The following GPR4 variants were observed in gnomAD, a reference collection of about 807,000 sequenced individuals.
GPR4 encodes the protein G-prodeshotein coupled receptor 4.
In GPR4, 11 loss-of-function variants were observed where a neutral mutation model predicts 17.8. The ratio of observed to expected loss-of-function variants is 0.62; its 90% CI spans 0.39 to 1.02. The LOEUF (loss-of-function observed/expected upper bound fraction) is 1.02. Among genes scored for constraint, GPR4 ranks in the 50% least tolerant of loss-of-function variants. The pLI is 0.00. For missense variants in GPR4, 364 were observed against 495.4 expected, an observed-to-expected ratio of 0.73 and a Z score of 2.52; for synonymous variants, 219 against 222.8, an observed-to-expected ratio of 0.98 and a Z score of 0.15.
chr19:45,590,839 G>A lies in GPR4; in HGVS notation c.1028C>T (p.Ala343Val), dbSNP rs1352660136. 15 of 1,610,676 alleles carry A rather than the reference G, an allele frequency of 9.3e-6. No individual in the cohort carries two copies. Among genetic ancestry groups the A allele is most frequent in the Middle Eastern group, 3.3e-4 (2 of 6,070 alleles). Residue 343 changes from alanine (A) to valine (V), a missense_variant, in exon 2 of 2, where the codon GCG (alanine) becomes GTG (valine). Ala to Val is a moderately conservative substitution (Grantham distance 64). This residue lies in a region of GPR4 where 92 missense variants were observed against 106.0 expected (regional missense o/e 0.87). Transcript: ENST00000323040. Reference protein sequence around the residue: ...STAKAMTGSWAATPPSQGDQV... With the variant: ...STAKAMTGSWVATPPSQGDQV... ...GTCCCCCTGGGAGGGCGGAGTGGCC[G>A]CCCAGCTGCCAGTCATGGCTTTGGC...
At chr19:45,595,724 G>T (rs138182002) in intron 1 of GPR4, among the ~76,000 whole-genome samples, 2 of 139,306 alleles carry the variant, frequency 1.4e-5, no homozygotes, top group South Asian at 4.7e-4. Flanking sequence ...TCTTTTGGAC[G>T]TGAAACCTGG....
At chr19:45,594,037 T>C (rs1380499052) in intron 1 of GPR4, among the ~76,000 whole-genome samples, 10 of 79,132 alleles carry the variant, frequency 1.3e-4, no homozygotes, top group Non-Finnish European at 2.1e-4. Flanking sequence ...TGCACCACCA[T>C]GCCTGGCTTA....
At chr19:45,593,165 T>A (rs1250763766) in intron 1 of GPR4, among the ~76,000 whole-genome samples, 1 of 131,702 alleles carries the variant, frequency 7.6e-6, no homozygotes, top group East Asian at 2.3e-4. Flanking sequence ...ACCACGGCAC[T>A]CCAGCTTGGG....
Position 45,590,551 on chromosome 19 carries a change from A to G in GPR4, c.*227T>C, listed in dbSNP as rs1257099873. Reference sequence around the variant, plus strand: ...TGAGACCCTGTCTCCAAAAAAATATATTTACTCATCTCCTCCTTCAGGAGG... The same window carrying G: ...TGAGACCCTGTCTCCAAAAAAATATGTTTACTCATCTCCTCCTTCAGGAGG... On this transcript the variant is annotated 3_prime_UTR_variant, in exon 2 of 2. Coordinates refer to ENST00000323040, the MANE Select transcript of GPR4 (RefSeq NM_005282.3). 8.1e-6 allele frequency: 4 copies of G among 494,234 alleles called. No homozygotes were observed. Among genetic ancestry groups the G allele is most frequent in the African/African-American group, 7.9e-5 (4 of 50,930 alleles). The allele number at this position is 494,234 out of a possible 1,614,324, so 30.6% of individuals were successfully genotyped here. A position where few individuals can be genotyped will look rare whatever the true frequency, so the allele number is the denominator to read the frequency against.
chr19:45,591,808 G>GATGACAAA lies in GPR4; in HGVS notation c.58_59insTTTGTCAT (p.Pro20LeufsTer40). On this transcript the variant is annotated frameshift_variant, in exon 2 of 2. Transcript: ENST00000323040. LOFTEE classifies it high-confidence loss of function. The surrounding 1 kb of genome is among the most constrained non-coding windows in gnomAD (Gnocchi z 7.6). ...GATGACAAAGATGTAGAGGGATGGC[G>GATGACAAA]GAAAGAGGTGGTCCACGCGCGAGTC... The GATGACAAA allele has an allele frequency of 6.2e-7, 1 of 1,605,764 alleles. No individual in the cohort carries two copies. Among genetic ancestry groups the GATGACAAA allele is most frequent in the Non-Finnish European group, 8.5e-7 (1 of 1,174,612 alleles).
intron 1 of GPR4, among the ~76,000 whole-genome samples, chr19:45,600,399 C>A (rs1392376199): frequency 2.0e-5 from 3 of 152,118 alleles, no homozygotes; most frequent in Non-Finnish European, 4.4e-5. Context: ...CCCTCTCTTC[C>A]CGAAACTCCA....
chr19:45,600,933 C>G (rs1482458909), intron 1 of GPR4, among the ~76,000 whole-genome samples: 1 of 152,212 alleles, frequency 6.6e-6, no homozygotes, highest in African/African-American at 2.4e-5. Context: ...ATTCAAGGTA[C>G]TTGATCATAG....
rs528955502 is a variant in GPR4 at position 45,590,866 on chromosome 19, G to T, written c.1001C>A (p.Thr334Lys). Residue 334 changes from threonine (T) to lysine (K), a missense_variant, in exon 2 of 2, where the codon ACA (threonine) becomes AAA (lysine). Coordinates refer to ENST00000323040, the MANE Select transcript of GPR4 (RefSeq NM_005282.3). ...CCAGCTGCCAGTCATGGCTTTGGCT[G>T]TGCTGTTCCTCTTGGAGGTGAGTGG... ...ETPLTSKRNS[T>K]AKAMTGSWAA... is the part of the protein sequence containing the mutation. 15 of 1,613,940 alleles carry T rather than the reference G, an allele frequency of 9.3e-6. No homozygotes were observed. Among genetic ancestry groups the T allele is most frequent in the African/African-American group, 1.3e-5 (1 of 74,932 alleles).
In GPR4 at chr19:45,590,202, C is replaced by A. The variant is rs1969974980; in HGVS notation, c.*576G>T. 1 of 152,098 alleles carries A rather than the reference C, an allele frequency of 6.6e-6. No individual in the cohort carries two copies. The highest frequency in any genetic ancestry group is 2.4e-5 in the African/African-American group (1 of 41,388). The allele number at this position is 152,098 out of a possible 1,614,324, so 9.4% of individuals were successfully genotyped here. On this transcript the variant is annotated 3_prime_UTR_variant, in exon 2 of 2. Transcript: ENST00000323040. ...ACTTGTTGGAAAAAAAAAAATCTAA[C>A]CTTCTCTATTTGTCTTTATTTTCTG...
intron 1 of GPR4, among the ~76,000 whole-genome samples, chr19:45,601,137 G>T (rs537292255): frequency 6.6e-6 from 1 of 152,276 alleles, no homozygotes; most frequent in East Asian, 1.9e-4. Context: ...GGGGGAACTG[G>T]GGGGTGTGGC....
chr19:45,600,994 G>A (rs146528621), intron 1 of GPR4, among the ~76,000 whole-genome samples: 115 of 152,178 alleles, frequency 7.6e-4, no homozygotes, highest in African/African-American at 2.5e-3. Context: ...TCTTCAGCTG[G>A]GATTCCCCCA....
rs181277246 is a variant in GPR4, at chr19:45,594,337, G to A, written c.-831-1640C>T. Among the ~76,000 whole-genome samples the A allele has an allele frequency of 2.1e-4, 31 of 147,278 alleles. 1 individual carries two copies. Among genetic ancestry groups the A allele is most frequent in the Middle Eastern group, 7.2e-3 (2 of 276 alleles). On this transcript the variant is annotated intron_variant, in intron 1 of 1. Transcript: ENST00000323040. Reference sequence around the variant, plus strand: ...CTCAGGAGGCTGAGGCAGGATAATCGCTTGAACCTGGGAGGCGAAGGTTGC... The same window carrying A: ...CTCAGGAGGCTGAGGCAGGATAATCACTTGAACCTGGGAGGCGAAGGTTGC...
At chr19:45,599,528 G>A (rs1970092606) in intron 1 of GPR4, 1 of 151,912 alleles carries the variant, frequency 6.6e-6, no homozygotes, top group South Asian at 2.1e-4. Context: ...TCCCCACCTG[G>A]TGCCCTGGCG....
intron 1 of GPR4, among the ~76,000 whole-genome samples, chr19:45,601,437 T>G (rs1382227992): frequency 6.6e-6 from 1 of 151,660 alleles, no homozygotes. Flanking sequence ...TGAGGGGCAG[T>G]GGGGTGGCTC....
intron 1 of GPR4, among the ~76,000 whole-genome samples, chr19:45,598,698 G>C (rs1030808300): frequency 1.3e-5 from 2 of 152,158 alleles, no homozygotes; most frequent in African/African-American, 4.8e-5. Context: ...CTGGGAGTGT[G>C]AGGCTATTTC....
chr19:45,590,548 T>C lies in GPR4; in HGVS notation c.*230A>G, dbSNP rs187197762. 65 of 488,052 alleles carry C rather than the reference T, an allele frequency of 1.3e-4. No individual in the cohort carries two copies. In the Admixed American group the frequency reaches 2.2e-3, roughly 17 times the overall value. The allele number at this position is 488,052 out of a possible 1,614,324, so 30.2% of individuals were successfully genotyped here. ...CAGTGAGACCCTGTCTCCAAAAAAA[T>C]ATATTTACTCATCTCCTCCTTCAGG... On this transcript the variant is annotated 3_prime_UTR_variant, in exon 2 of 2. Coordinates refer to ENST00000323040, the MANE Select transcript of GPR4 (RefSeq NM_005282.3).
chr19:45,590,641 C>T lies in GPR4; in HGVS notation c.*137G>A, dbSNP rs1969979430. On this transcript the variant is annotated 3_prime_UTR_variant, in exon 2 of 2. Transcript: ENST00000323040. The stretch of plus-strand genomic sequence containing the variant: ...CAAAGGTTGACCAGTGACACACCAA[C>T]CTCACTCTTCCTAAGTTCTTGTATT... The T allele has an allele frequency of 7.0e-6, 8 of 1,149,154 alleles. No individual in the cohort carries two copies. The highest frequency in any genetic ancestry group is 7.0e-5 in the South Asian group (4 of 57,482). 71.2% of individuals were successfully genotyped at this position (1,149,154 alleles called of 1,614,324 possible).
intron 1 of GPR4, among the ~76,000 whole-genome samples, chr19:45,593,324 C>T (rs961878017): frequency 1.5e-4 from 22 of 151,238 alleles, no homozygotes; most frequent in African/African-American, 5.3e-4. Flanking sequence ...CATGGTGAAA[C>T]CCCATCTCTA....
Position 45,590,614 on chromosome 19 carries a change from C to T in GPR4, c.*164G>A. The T allele has an allele frequency of 1.2e-6, 1 of 825,008 alleles. No individual in the cohort carries two copies. The highest frequency in any genetic ancestry group is 2.1e-5 in the South Asian group (1 of 47,160). 51.1% of individuals were successfully genotyped at this position (825,008 alleles called of 1,614,324 possible). On this transcript the variant is annotated 3_prime_UTR_variant, in exon 2 of 2. Coordinates refer to ENST00000323040, the MANE Select transcript of GPR4 (RefSeq NM_005282.3). ...GCCAAACTGTGATGGGATCTGGGAG[C>T]ACAAAGGTTGACCAGTGACACACCA...
Sources: gnomAD v4.1 joint callset for allele counts (sites outside exome capture counted in the v4.1 genomes callset) on GRCh38, gnomAD v4.1.1 for gene constraint, gnomAD v4.1.1 regional missense constraint, Gnocchi (gnomAD v3.1) non-coding constraint, MANE v1.5 for transcripts, NCBI Gene and HGNC (gene_info 2026-07-23, HGNC 2026-07-21) for gene names.